Variants in DENND5A observed in about 807,000 individuals in gnomAD.
DENND5A encodes the protein DENN domain-containing protein 5A.
Under a neutral mutation model 140.3 loss-of-function variants are expected in DENND5A, and 64 were observed. That is an observed-to-expected ratio of 0.46 (90% CI 0.37 to 0.56). The LOEUF is 0.56. DENND5A is among the 20% of genes least tolerant of loss of function. The probability of loss-of-function intolerance (pLI) is 0.00; values close to 1 mark genes in which losing one functional copy is unlikely to be tolerated. For missense variants in DENND5A, 1,292 were observed against 1,593.8 expected (o/e 0.81, Z 3.22); for synonymous variants, 605 against 607.7 (o/e 1.00, Z 0.07).
At chr11:9,185,843 T>C (rs189034957) in intron 5 of DENND5A, among the ~76,000 whole-genome samples, 3 of 152,174 alleles carry the variant, frequency 2.0e-5, no homozygotes, top group African/African-American at 7.2e-5. Context: ...TTTGTGTGTG[T>C]GTATCTGTGT....
At chr11:9,201,170 A>C (rs1482511930) in intron 4 of DENND5A, among the ~76,000 whole-genome samples, 1 of 152,056 alleles carries the variant, frequency 6.6e-6, no homozygotes, top group Non-Finnish European at 1.5e-5. Context: ...CTATTCTGCC[A>C]GCCTGGGCAA....
chr11:9,193,234 G>C (rs900632236), intron 5 of DENND5A, among the ~76,000 whole-genome samples: 2 of 152,076 alleles, frequency 1.3e-5, no homozygotes, highest in African/African-American at 4.8e-5. Context: ...CTCTTAAAAA[G>C]CAAAACAAAA....
chr11:9,246,373 G>A (rs1327573224), intron 1 of DENND5A, among the ~76,000 whole-genome samples: 1 of 152,120 alleles, frequency 6.6e-6, no homozygotes, highest in Non-Finnish European at 1.5e-5. Context: ...AGCACTTTGG[G>A]AGGCCCAGGC....
intron 3 of DENND5A, among the ~76,000 whole-genome samples, chr11:9,205,666 G>T (rs757922340): frequency 2.0e-5 from 3 of 152,208 alleles, no homozygotes; most frequent in African/African-American, 2.4e-5. Context: ...GTCAAGGTAG[G>T]CGGACTGTTT....
intron 11 of DENND5A, among the ~76,000 whole-genome samples, chr11:9,162,670 A>C (rs990505098): frequency 1.3e-5 from 2 of 151,976 alleles, no homozygotes; most frequent in Admixed American, 1.3e-4. Context: ...ATTATTACCT[A>C]TATTTTTAAC....
intron 1 of DENND5A, among the ~76,000 whole-genome samples, chr11:9,211,800 C>T (rs944003277): frequency 3.3e-5 from 5 of 151,782 alleles, no homozygotes; most frequent in South Asian, 4.2e-4. Context: ...GGTGTGGTGG[C>T]GTGTGCCTGT....
intron 11 of DENND5A, among the ~76,000 whole-genome samples, chr11:9,161,919 C>G (rs1225304559): frequency 6.6e-6 from 1 of 150,882 alleles, no homozygotes; most frequent in Non-Finnish European, 1.5e-5. Context: ...TAATATAGCA[C>G]TCTATTAAAT....
At chr11:9,198,269 C>G (rs1849399935) in intron 4 of DENND5A, among the ~76,000 whole-genome samples, 1 of 151,596 alleles carries the variant, frequency 6.6e-6, no homozygotes, top group African/African-American at 2.4e-5. Context: ...GAAGTAGTCT[C>G]TGCTCATGTT....
At chr11:9,259,948 A>G (rs541814228) in intron 1 of DENND5A, among the ~76,000 whole-genome samples, 3 of 147,884 alleles carry the variant, frequency 2.0e-5, no homozygotes, top group Admixed American at 7.0e-5. Flanking sequence ...GAATCACTTG[A>G]ACCAGACAGG....
chr11:9,255,242 G>C (rs1851895451), intron 1 of DENND5A, among the ~76,000 whole-genome samples: 1 of 152,148 alleles, frequency 6.6e-6, no homozygotes, highest in South Asian at 2.1e-4. Flanking sequence ...ACTGCTATTG[G>C]AAATGTACAC....
rs572102710 is a variant in DENND5A at position 9,166,354 on chromosome 11, G to C, written c.2152-387C>G. Among the ~76,000 whole-genome samples, 8 of 152,202 alleles carry C rather than the reference G, an allele frequency of 5.3e-5. No individual in the cohort carries two copies. In the South Asian group the frequency reaches 1.7e-3, roughly 32 times the overall value. On this transcript the variant is annotated intron_variant, in intron 10 of 22. Transcript: ENST00000328194. ...AGTCTCCCAAAGTACTGAGATTACA[G>C]GCATGAGCCACCGTGCCCAGCTTAT...
In DENND5A at chr11:9,256,687, A is replaced by G. The variant is rs555661530; in HGVS notation, c.109+8274T>C. ...TATATGAAATGTCAAAAACAGGCAA[A>G]TCTATAGAGATAGAAAGTAGATGAG... On this transcript the variant is annotated intron_variant, in intron 1 of 22. Transcript: ENST00000328194. Among the ~76,000 whole-genome samples, 12 of 152,314 alleles carry G rather than the reference A, an allele frequency of 7.9e-5. No homozygotes were observed. The South Asian group carries it at 1.2e-3, about 16-fold the overall frequency.
chr11:9,169,486 T>TACACACAC (rs1195918945), intron 10 of DENND5A, among the ~76,000 whole-genome samples: 1 of 114,350 alleles, frequency 8.7e-6, no homozygotes, highest in African/African-American at 3.6e-5. Flanking sequence ...TTTTTTCCTA[T>TACACACAC]ATACACACGC....
At chr11:9,246,486 C>T (rs912351953) in intron 1 of DENND5A, among the ~76,000 whole-genome samples, 3 of 152,004 alleles carry the variant, frequency 2.0e-5, no homozygotes, top group Non-Finnish European at 4.4e-5. Context: ...GTGGCACGCT[C>T]CTGTAGTCCC....
At chr11:9,179,878 A>G (rs1262127448) in intron 6 of DENND5A, among the ~76,000 whole-genome samples, 1 of 152,204 alleles carries the variant, frequency 6.6e-6, no homozygotes, top group Non-Finnish European at 1.5e-5. Context: ...CTAGTCTACT[A>G]AGCAAAAAAA....
Position 9,180,807 on chromosome 11 carries a change from AGCC to A in DENND5A, c.1412_1414del (p.Arg471del), listed in dbSNP as rs1416805328. On this transcript the variant is annotated inframe_deletion, in exon 6 of 23. Coordinates refer to ENST00000328194, the MANE Select transcript of DENND5A (RefSeq NM_015213.4). ...CCCAGTTCTCTTGACCAAGGCTTGC[AGCC>A]GGGCAATAGTTTCATTCTCCTTAAG... 1.2e-6 allele frequency: 2 copies of A among 1,614,082 alleles called. No homozygotes were observed. Among genetic ancestry groups the A allele is most frequent in the Admixed American group, 1.7e-5 (1 of 60,002 alleles).
At chr11:9,203,275 T>G (rs1168395959) in intron 4 of DENND5A, among the ~76,000 whole-genome samples, 1 of 152,174 alleles carries the variant, frequency 6.6e-6, no homozygotes, top group African/African-American at 2.4e-5. Flanking sequence ...TATAAAGGAT[T>G]ATCCTTTGTG....
intron 1 of DENND5A, among the ~76,000 whole-genome samples, chr11:9,211,885 G>A (rs867543048): frequency 6.8e-6 from 1 of 147,590 alleles, no homozygotes; most frequent in South Asian, 2.1e-4. Context: ...AGCCAAGATC[G>A]TGCCACTGCA....
intron 1 of DENND5A, among the ~76,000 whole-genome samples, chr11:9,254,691 G>C (rs1851870794): frequency 6.6e-6 from 1 of 152,146 alleles, no homozygotes; most frequent in African/African-American, 2.4e-5. Flanking sequence ...TCGACTCCCA[G>C]TTTGAAACTG....
Sources: gnomAD v4.1 joint callset for allele counts (sites outside exome capture counted in the v4.1 genomes callset) on GRCh38, gnomAD v4.1.1 for gene constraint, MANE v1.5 for transcripts, NCBI Gene and HGNC (gene_info 2026-07-23, HGNC 2026-07-21) for gene names.